The following MTARC2 variants were observed in gnomAD, a reference collection of about 807,000 sequenced individuals.
MTARC2 encodes the protein mitochondrial amidoxime reducing component 2, also known as MOCO sulphurase C-terminal domain containing 2.
A neutral mutation model predicts 35.6 loss-of-function variants in MTARC2; 27 were observed. The observed-to-expected ratio is 0.76, with a 90% CI of 0.56 to 1.04. The LOEUF (loss-of-function observed/expected upper bound fraction) is 1.04, where lower values mean the gene tolerates loss of function less well. Among genes scored for constraint, MTARC2 ranks in the 50% least tolerant of loss-of-function variants. MTARC2 has a pLI of 0.00. For synonymous variants in MTARC2, 158 were observed against 167.1 expected (o/e 0.95, Z 0.42); for missense variants, 412 against 432.5 (o/e 0.95, Z 0.42).
At chr1:220,781,386 G>A (rs928665046) in intron 6 of MTARC2, among the ~76,000 whole-genome samples, 7 of 152,210 alleles carry the variant, frequency 4.6e-5, no homozygotes, top group Admixed American at 1.3e-4. Flanking sequence ...CCTGGAGGGG[G>A]TTGAAAGCAT....
intron 1 of MTARC2, among the ~76,000 whole-genome samples, chr1:220,749,763 G>T (rs193298772): frequency 1.3e-5 from 2 of 152,236 alleles, no homozygotes; most frequent in East Asian, 1.9e-4. Flanking sequence ...AGATGGTTTA[G>T]CTGTGGGCCT....
intron 4 of MTARC2, among the ~76,000 whole-genome samples, chr1:220,778,265 A>AGAAAG (rs1176401710): frequency 4.3e-5 from 6 of 138,548 alleles, no homozygotes; most frequent in East Asian, 4.7e-4. Context: ...AAAAAAAAAA[A>AGAAAG]AAAGAAAGAA....
chr1:220,753,835 A>T (rs763246457), intron 1 of MTARC2, among the ~76,000 whole-genome samples: 1 of 152,168 alleles, frequency 6.6e-6, no homozygotes, highest in Non-Finnish European at 1.5e-5. Context: ...AGGTCACTTG[A>T]GGCCATGAGT....
intron 1 of MTARC2, chr1:220,754,287 C>T: frequency 4.4e-6 from 2 of 456,156 alleles, no homozygotes; most frequent in Non-Finnish European, 4.4e-6. Flanking sequence ...AAAACCAAGT[C>T]CAGTACAGTG....
intron 4 of MTARC2, among the ~76,000 whole-genome samples, chr1:220,767,726 C>T (rs1671620067): frequency 6.6e-6 from 1 of 152,204 alleles, no homozygotes; most frequent in Non-Finnish European, 1.5e-5. Flanking sequence ...GAGAAGCTTG[C>T]AGAAAACTCT....
intron 2 of MTARC2, among the ~76,000 whole-genome samples, chr1:220,757,987 TA>T (rs1671327909): frequency 6.6e-6 from 1 of 152,104 alleles, no homozygotes; most frequent in Non-Finnish European, 1.5e-5. Context: ...TTTATTTTAT[TA>T]TTATTATTAT....
In MTARC2 at chr1:220,768,475, C is replaced by T. The variant is rs116482882; in HGVS notation, c.750+5425C>T. On this transcript the variant is annotated intron_variant, in intron 4 of 7. Transcript: ENST00000366913. ...TCAGAGAAGTTGAGTAACTTGCTCT[C>T]GAGGTCGCATAGCCAGCGTGTGGCC... is the stretch of plus-strand genomic sequence containing the variant. Among the ~76,000 whole-genome samples the T allele has an allele frequency of 7.5e-3, 1,147 of 152,130 alleles. 19 individuals are homozygous for T. Among genetic ancestry groups the T allele is most frequent in the African/African-American group, 0.027 (1,104 of 41,498 alleles).
intron 4 of MTARC2, among the ~76,000 whole-genome samples, chr1:220,774,955 G>A (rs1210530481): frequency 2.7e-5 from 4 of 147,450 alleles, no homozygotes; most frequent in East Asian, 3.9e-4. Flanking sequence ...GTGTGTGTGC[G>A]TGTGTGTGTG....
chr1:220,783,288 A>G (rs968217482), intron 7 of MTARC2, among the ~76,000 whole-genome samples: 4 of 152,242 alleles, frequency 2.6e-5, no homozygotes, highest in Admixed American at 6.5e-5. Context: ...ATGAAATACA[A>G]TAAGTATTAA....
chr1:220,773,998 G>A (rs531572652), intron 4 of MTARC2, among the ~76,000 whole-genome samples: 4 of 150,766 alleles, frequency 2.7e-5, no homozygotes, highest in South Asian at 2.1e-4. Context: ...CATATAAAAT[G>A]TGCCTTGTGT....
chr1:220,777,927 G>A (rs1671960987), intron 4 of MTARC2, among the ~76,000 whole-genome samples: 1 of 152,138 alleles, frequency 6.6e-6, no homozygotes, highest in Non-Finnish European at 1.5e-5. Flanking sequence ...AGAAATACCT[G>A]AGACTGGATA....
chr1:220,781,906 G>A lies in MTARC2; in HGVS notation c.*5G>A. On this transcript the variant is annotated 3_prime_UTR_variant, in exon 7 of 8. Transcript: ENST00000366913. ...CCTGTGTATCGGATGGTGTAGTGAT[G>A]AGTGATGGATCCACTAGGGTGATAT... 6.8e-6 allele frequency: 11 copies of A among 1,613,488 alleles called. No homozygotes were observed. The highest frequency in any genetic ancestry group is 9.3e-6 in the Non-Finnish European group (11 of 1,179,660).
At position 220,765,266 on chromosome 1, in the gene MTARC2, G is replaced by A. The variant is rs951202798; in HGVS notation, c.750+2216G>A. On this transcript the variant is annotated intron_variant, in intron 4 of 7. Coordinates refer to ENST00000366913, the MANE Select transcript of MTARC2 (RefSeq NM_017898.5). ...AAGCACAAGAGGCCATGAATAAAGG[G>A]GTGCTTGGGAGCATTTTAGAATCAC... Among the ~76,000 whole-genome samples, 3 of 152,146 alleles carry A rather than the reference G, an allele frequency of 2.0e-5. No homozygotes were observed. The East Asian group carries it at 5.8e-4, about 29-fold the overall frequency.
In MTARC2 at chr1:220,780,248, C is replaced by T. The variant is rs767484510; in HGVS notation, c.884+9C>T. ...CTGGACACCCTGAAGAGGTAGAATA[C>T]CACCACAGCCAGTGTATTTTAAATA... On this transcript the variant is annotated intron_variant, in intron 6 of 7. Transcript: ENST00000366913. 2 of 1,604,638 alleles carry T rather than the reference C, an allele frequency of 1.2e-6. No individual in the cohort carries two copies. The highest frequency in any genetic ancestry group is 1.7e-5 in the Admixed American group (1 of 57,146).
At chr1:220,761,593 T>G in intron 2 of MTARC2, 65 bp from the exon 3 acceptor site, 1 of 1,489,078 alleles carries the variant, frequency 6.7e-7, no homozygotes, top group Non-Finnish European at 9.0e-7. Context: ...CTGTTCATTT[T>G]TGACACCATC....
At chr1:220,751,412 G>A (rs539700053) in intron 1 of MTARC2, among the ~76,000 whole-genome samples, 6 of 152,284 alleles carry the variant, frequency 3.9e-5, no homozygotes, top group Middle Eastern at 6.8e-3. Flanking sequence ...GCAGCCATAT[G>A]TGAGTTGATC....
At position 220,780,453 on chromosome 1, in the gene MTARC2, C is replaced by CTTT. The variant is rs11364112; in HGVS notation, c.884+230_884+232dup. On this transcript the variant is annotated intron_variant, in intron 6 of 7. Coordinates refer to ENST00000366913, the MANE Select transcript of MTARC2 (RefSeq NM_017898.5). ...TGGATCCTCTAGTGCTTTGGATAAACTTTTTTTTTTTTTTTTTTGAGAGGA... is the reference window on the plus strand; with the variant it reads ...TGGATCCTCTAGTGCTTTGGATAAACTTTTTTTTTTTTTTTTTTTTTGAGAGGA... Among the ~76,000 whole-genome samples the CTTT allele has an allele frequency of 1.6e-4, 22 of 133,778 alleles. 1 individual carries two copies. The highest frequency in any genetic ancestry group is 6.0e-4 in the African/African-American group (21 of 34,802). The allele number at this position is 133,778 out of a possible 152,430, so 87.8% of individuals were successfully genotyped here.
At chr1:220,758,559 A>G (rs745651950) in intron 2 of MTARC2, among the ~76,000 whole-genome samples, 2 of 151,930 alleles carry the variant, frequency 1.3e-5, no homozygotes, top group Non-Finnish European at 2.9e-5. Context: ...AGCTGGGACT[A>G]CAGGCATGCA....
intron 4 of MTARC2, among the ~76,000 whole-genome samples, chr1:220,771,330 T>G (rs113479305): frequency 0.033 from 4,831 of 147,688 alleles, 99 homozygotes; most frequent in Non-Finnish European, 0.051. Context: ...GCCTTAGGCT[T>G]CTGTCTTTCT....
Sources: gnomAD v4.1 joint callset for allele counts (sites outside exome capture counted in the v4.1 genomes callset) on GRCh38, gnomAD v4.1.1 for gene constraint, MANE v1.5 for transcripts, NCBI Gene and HGNC (gene_info 2026-07-23, HGNC 2026-07-21) for gene names.